SLC25A48: variants seen among roughly 807,000 people sequenced by gnomAD.
SLC25A48 encodes solute carrier family 25 member 48.
A neutral mutation model predicts 32.2 loss-of-function variants in SLC25A48; 29 were observed. The observed-to-expected ratio is 0.90, with a 90% CI of 0.67 to 1.23. SLC25A48 has a LOEUF of 1.23. Ranked by LOEUF, SLC25A48 falls within the 50% of genes most tolerant of loss-of-function variation. The probability of loss-of-function intolerance (pLI) is 0.00; values close to 1 mark genes in which losing one functional copy is unlikely to be tolerated. For missense variants in SLC25A48, 399 were observed against 422.7 expected, an observed-to-expected ratio of 0.94 and a Z score of 0.49; for synonymous variants, 164 against 172.3, an observed-to-expected ratio of 0.95 and a Z score of 0.38.
intron 3 of SLC25A48, among the ~76,000 whole-genome samples, chr5:135,759,208 T>G (rs1055685884): frequency 2.0e-5 from 3 of 152,142 alleles, no homozygotes; most frequent in African/African-American, 7.2e-5. Context: ...AGAATATCAT[T>G]TATGATATCT....
intron 3 of SLC25A48, among the ~76,000 whole-genome samples, chr5:135,653,145 T>C (rs73283269): frequency 0.058 from 8,845 of 152,254 alleles, 470 homozygotes; most frequent in African/African-American, 0.14. Flanking sequence ...TTCCAGCCTC[T>C]AGAACTGTGA....
intron 3 of SLC25A48, among the ~76,000 whole-genome samples, chr5:135,797,766 T>C (rs1757223855): frequency 6.6e-6 from 1 of 151,724 alleles, no homozygotes; most frequent in Non-Finnish European, 1.5e-5. Context: ...GAGAGGATGA[T>C]ATAACTCTCA....
chr5:135,858,145 C>G (rs542941722), intron 4 of SLC25A48, among the ~76,000 whole-genome samples: 1 of 152,272 alleles, frequency 6.6e-6, no homozygotes, highest in Admixed American at 6.5e-5. Flanking sequence ...AATAAACCCC[C>G]GAGGCAGCAA....
chr5:135,736,182 G>C (rs1452185357), intron 3 of SLC25A48, among the ~76,000 whole-genome samples: 1 of 151,982 alleles, frequency 6.6e-6, no homozygotes, highest in Non-Finnish European at 1.5e-5. Context: ...GGAAGATTTG[G>C]GAGGAATCGC....
intron 4 of SLC25A48, among the ~76,000 whole-genome samples, chr5:135,828,500 C>G (rs1056639082): frequency 1.3e-5 from 2 of 152,222 alleles, no homozygotes; most frequent in Non-Finnish European, 2.9e-5. Flanking sequence ...GCTGAACTGC[C>G]TGCTCTCAGG....
intron 3 of SLC25A48, among the ~76,000 whole-genome samples, chr5:135,738,781 T>C (rs1755437548): frequency 1.3e-5 from 2 of 152,216 alleles, no homozygotes; most frequent in Non-Finnish European, 2.9e-5. Context: ...CACAAAATCA[T>C]AAATGTTTAA....
chr5:135,742,061 G>GT (rs558685636), intron 3 of SLC25A48, among the ~76,000 whole-genome samples: 50 of 152,192 alleles, frequency 3.3e-4, no homozygotes, highest in African/African-American at 1.1e-3. Context: ...TAAGGAATCA[G>GT]TTTTTTTAAT....
At chr5:135,671,938 A>G (rs1753665561) in intron 3 of SLC25A48, among the ~76,000 whole-genome samples, 1 of 148,796 alleles carries the variant, frequency 6.7e-6, no homozygotes. Context: ...AGTATCCGGC[A>G]TTTAAGAGAA....
intron 1 of SLC25A48, among the ~76,000 whole-genome samples, chr5:135,602,599 T>TC (rs1491567705): frequency 1.0e-4 from 4 of 38,836 alleles, no homozygotes; most frequent in Non-Finnish European, 2.0e-4. Flanking sequence ...TGGAGTTTTC[T>TC]TTTTTTTTTT....
chr5:135,625,102 A>T (rs1312132857), intron 1 of SLC25A48, among the ~76,000 whole-genome samples: 2 of 152,046 alleles, frequency 1.3e-5, no homozygotes, highest in African/African-American at 4.8e-5. Flanking sequence ...GGCAATCAGA[A>T]GAAGGAGCGG....
Position 135,858,457 on chromosome 5 carries a change from G to A in SLC25A48, c.421+5636G>A, listed in dbSNP as rs141682862. Among the ~76,000 whole-genome samples the A allele has an allele frequency of 6.2e-3, 950 of 152,356 alleles. 8 individuals are homozygous for A. The highest frequency in any genetic ancestry group is 0.02 in the African/African-American group (840 of 41,586). On this transcript the variant is annotated intron_variant, in intron 4 of 7. Transcript: ENST00000681962. ...GGACTGAATAAGAATGGTCTTGGCA[G>A]TAGTGGCTGAGTGGCCAGTGTTTAC... is the stretch of plus-strand genomic sequence containing the variant.
At chr5:135,666,381 C>T (rs560951795) in intron 3 of SLC25A48, among the ~76,000 whole-genome samples, 35 of 152,234 alleles carry the variant, frequency 2.3e-4, no homozygotes, top group African/African-American at 7.7e-4. Flanking sequence ...TAAAATACCC[C>T]GGGGATCTGC....
At chr5:135,779,847 C>T (rs1756677075) in intron 3 of SLC25A48, among the ~76,000 whole-genome samples, 1 of 116,382 alleles carries the variant, frequency 8.6e-6, no homozygotes, top group South Asian at 3.1e-4. Flanking sequence ...GATATTGTTC[C>T]TAATATCCAG....
intron 3 of SLC25A48, among the ~76,000 whole-genome samples, chr5:135,742,891 C>T (rs940968031): frequency 6.8e-5 from 10 of 146,186 alleles, no homozygotes; most frequent in Admixed American, 4.2e-4. Context: ...GAGAACTTTG[C>T]GTATAGTAAT....
intron 1 of SLC25A48, among the ~76,000 whole-genome samples, chr5:135,580,625 T>G (rs977145416): frequency 2.0e-5 from 3 of 152,190 alleles, no homozygotes; most frequent in Non-Finnish European, 4.4e-5. Flanking sequence ...CATTTATGCA[T>G]GAGATGAGTA....
intron 3 of SLC25A48, among the ~76,000 whole-genome samples, chr5:135,761,383 T>C (rs1158570124): frequency 6.6e-6 from 1 of 152,098 alleles, no homozygotes; most frequent in Non-Finnish European, 1.5e-5. Context: ...CACACCAACA[T>C]GGCACATGTA....
intron 3 of SLC25A48, among the ~76,000 whole-genome samples, chr5:135,734,968 G>A (rs1453009456): frequency 1.3e-5 from 2 of 152,244 alleles, no homozygotes; most frequent in Non-Finnish European, 2.9e-5. Context: ...ATCTGGGAAG[G>A]AGTCAGTCAG....
intron 1 of SLC25A48, among the ~76,000 whole-genome samples, chr5:135,626,243 TC>T (rs890587772): frequency 3.9e-5 from 6 of 152,218 alleles, no homozygotes; most frequent in Admixed American, 1.3e-4. Context: ...AGTGACAAAT[TC>T]CTGAGGCAGA....
At position 135,586,658 on chromosome 5, in the gene SLC25A48, G is replaced by A. The variant is rs543630922; in HGVS notation, c.-849+7061G>A. 7.9e-5 allele frequency among the ~76,000 whole-genome samples: 12 copies of A among 152,334 alleles called. No homozygotes were observed. The South Asian group carries it at 2.5e-3, about 32-fold the overall frequency. On this transcript the variant is annotated intron_variant, in intron 1 of 10. Transcript: ENST00000646290. ...AGGGAAGCAGGCATTGAGGAGGATGGTTCAGGCAGAGACAACAGCTTAAAC... is the reference window on the plus strand; with the variant it reads ...AGGGAAGCAGGCATTGAGGAGGATGATTCAGGCAGAGACAACAGCTTAAAC...
Sources: gnomAD v4.1 joint callset for allele counts (sites outside exome capture counted in the v4.1 genomes callset) on GRCh38, gnomAD v4.1.1 for gene constraint, MANE v1.5 for transcripts, NCBI Gene and HGNC (gene_info 2026-07-23, HGNC 2026-07-21) for gene names.